The following ANO4 variants were observed in gnomAD, a reference collection of about 807,000 sequenced individuals.
ANO4 encodes the protein anoctamin-4.
In ANO4, 69 loss-of-function variants were observed where a neutral mutation model predicts 141.9. The observed-to-expected ratio is 0.49, with a 90% CI of 0.40 to 0.59. The LOEUF (loss-of-function observed/expected upper bound fraction) is 0.59. Among genes scored for constraint, ANO4 ranks in the 20% least tolerant of loss-of-function variants. The probability of loss-of-function intolerance (pLI) is 0.00; values close to 1 mark genes in which losing one functional copy is unlikely to be tolerated. For synonymous variants in ANO4, 350 were observed against 394.3 expected (o/e 0.89, Z 1.33); for missense variants, 894 against 1,162.2 (o/e 0.77, Z 3.36).
chr12:100,826,729 T>A (rs904869651), intron 1 of ANO4, among the ~76,000 whole-genome samples: 1 of 152,022 alleles, frequency 6.6e-6, no homozygotes, highest in African/African-American at 2.4e-5. Flanking sequence ...ATCTCCAAAC[T>A]TAACCTGGCT....
chr12:101,049,635 GTATT>G (rs2047781669), intron 14 of ANO4, among the ~76,000 whole-genome samples: 1 of 151,984 alleles, frequency 6.6e-6, no homozygotes, highest in African/African-American at 2.4e-5. Flanking sequence ...ATTACCAAAA[GTATT>G]TATTTATGAT....
intron 13 of ANO4, chr12:101,047,926 A>G: frequency 4.8e-6 from 4 of 833,348 alleles, no homozygotes; most frequent in Non-Finnish European, 5.8e-6. Context: ...CATGTTTTCA[A>G]AGTGAATAAA....
intron 6 of ANO4, among the ~76,000 whole-genome samples, chr12:100,973,390 C>T (rs1334378594): frequency 1.3e-5 from 2 of 152,178 alleles, no homozygotes; most frequent in Non-Finnish European, 2.9e-5. Flanking sequence ...TCTGTAGATT[C>T]ATAATTTTCT....
At chr12:100,927,074 AT>A (rs1422911468) in intron 3 of ANO4, among the ~76,000 whole-genome samples, 1 of 152,140 alleles carries the variant, frequency 6.6e-6, no homozygotes, top group African/African-American at 2.4e-5. Context: ...TTTGTTAGTG[AT>A]TGAGTGAACG....
At chr12:100,736,480 G>A (rs941183712) in intron 2 of ANO4, among the ~76,000 whole-genome samples, 6 of 152,116 alleles carry the variant, frequency 3.9e-5, no homozygotes, top group Non-Finnish European at 5.9e-5. Flanking sequence ...AGGTCATTGG[G>A]CTCCTATTGG....
At chr12:101,109,216 G>A (rs2050566128) in intron 22 of ANO4, among the ~76,000 whole-genome samples, 1 of 152,182 alleles carries the variant, frequency 6.6e-6, no homozygotes. Context: ...ATCGGGGTGT[G>A]TAACATCATT....
intron 2 of ANO4, among the ~76,000 whole-genome samples, chr12:100,920,332 T>C (rs1225580582): frequency 2.6e-5 from 4 of 152,144 alleles, no homozygotes; most frequent in Non-Finnish European, 5.9e-5. Flanking sequence ...AATTACTCCA[T>C]TGCATCGCAC....
chr12:100,813,542 C>G (rs568603204), intron 1 of ANO4, among the ~76,000 whole-genome samples: 53 of 152,178 alleles, frequency 3.5e-4, no homozygotes, highest in African/African-American at 1.2e-3. Context: ...GCCTGGGCAC[C>G]AAACAGAGCA....
intron 9 of ANO4, among the ~76,000 whole-genome samples, chr12:101,027,888 G>T (rs969885060): frequency 6.6e-6 from 1 of 152,118 alleles, no homozygotes. Flanking sequence ...TCCAACAGGG[G>T]TTGTCAGATA....
At chr12:100,718,915 C>T (rs1462639282) in intron 1 of ANO4, among the ~76,000 whole-genome samples, 1 of 152,170 alleles carries the variant, frequency 6.6e-6, no homozygotes, top group East Asian at 1.9e-4. Flanking sequence ...GATCTAACTT[C>T]TGTTTTTTTA....
chr12:100,920,634 C>T (rs2041587820), intron 2 of ANO4, among the ~76,000 whole-genome samples: 1 of 152,176 alleles, frequency 6.6e-6, no homozygotes, highest in Admixed American at 6.6e-5. Flanking sequence ...TAAGTAGCTT[C>T]AGACTTTGCA....
chr12:100,792,831 T>C (rs995132162), upstream of ANO4, among the ~76,000 whole-genome samples: 4 of 152,250 alleles, frequency 2.6e-5, no homozygotes, highest in Non-Finnish European at 4.4e-5. Flanking sequence ...AGTATATTCT[T>C]GATATGCTGC....
chr12:101,068,577 TC>T, intron 14 of ANO4: 1 of 1,395,816 alleles, frequency 7.2e-7, no homozygotes, highest in Non-Finnish European at 1.0e-6. Flanking sequence ...TTTGGTGGCT[TC>T]TTCAAAAGTG....
intron 1 of ANO4, among the ~76,000 whole-genome samples, chr12:100,824,550 A>T (rs1274690573): frequency 6.6e-6 from 1 of 152,094 alleles, no homozygotes; most frequent in Non-Finnish European, 1.5e-5. Flanking sequence ...CTCAGGGTAC[A>T]GTGTCACATT....
At chr12:100,882,840 T>C (rs1828890) in intron 1 of ANO4, among the ~76,000 whole-genome samples, 88,753 of 151,700 alleles carry the variant, frequency 0.59, 26,113 homozygotes, top group Middle Eastern at 0.64. Flanking sequence ...GCTAGGATTA[T>C]AGGCACCCGC....
At chr12:100,750,907 T>G (rs2032343983) in intron 3 of ANO4, among the ~76,000 whole-genome samples, 2 of 152,204 alleles carry the variant, frequency 1.3e-5, no homozygotes, top group Non-Finnish European at 2.9e-5. Context: ...AGAAGTTTCC[T>G]GGGGAGAGCA....
At chr12:100,968,722 A>T (rs886772817) in intron 5 of ANO4, among the ~76,000 whole-genome samples, 2 of 152,202 alleles carry the variant, frequency 1.3e-5, no homozygotes, top group African/African-American at 4.8e-5. Context: ...ATGTATTGAA[A>T]AGCAAGCGGC....
At chr12:101,022,456 A>T (rs1382537831) in intron 9 of ANO4, among the ~76,000 whole-genome samples, 1 of 152,160 alleles carries the variant, frequency 6.6e-6, no homozygotes, top group East Asian at 1.9e-4. Context: ...AAAGAGAACC[A>T]CTCATAACAT....
At chr12:100,728,187 G>A (rs7958878) in intron 1 of ANO4, among the ~76,000 whole-genome samples, 17,801 of 152,056 alleles carry the variant, frequency 0.12, 1,415 homozygotes, top group East Asian at 0.3. Context: ...TTTTCGTGGC[G>A]GTTAGGATGA....
Sources: allele counts gnomAD v4.1 joint callset (sites outside exome capture counted in the v4.1 genomes callset), GRCh38; gene constraint gnomAD v4.1.1; transcripts MANE v1.5; gene names NCBI Gene and HGNC (gene_info 2026-07-23, HGNC 2026-07-21).